The following GDF11 variants were observed in gnomAD, a reference collection of about 807,000 sequenced individuals.
GDF11 encodes growth/differentiation factor 11.
In GDF11, 12 loss-of-function variants were observed where a neutral mutation model predicts 34.4. The ratio of observed to expected loss-of-function variants is 0.35; its 90% CI spans 0.22 to 0.57. GDF11 has a LOEUF of 0.57. GDF11 is among the 20% of genes least tolerant of loss of function. The pLI is 0.86. For missense variants in GDF11, 346 were observed against 548.2 expected (o/e 0.63, Z 3.68); for synonymous variants, 212 against 231.1 (o/e 0.92, Z 0.75).
In GDF11 at chr12:55,743,448, G is replaced by C. The variant is rs532326811; in HGVS notation, c.132G>C (p.Gly44=). 23 of 1,254,494 alleles carry C rather than the reference G, an allele frequency of 1.8e-5. No homozygotes were observed. Among genetic ancestry groups the C allele is most frequent in the Middle Eastern group, 3.1e-4 (1 of 3,240 alleles). 77.7% of individuals were successfully genotyped at this position (1,254,494 alleles called of 1,614,324 possible). A position where few individuals can be genotyped will look rare whatever the true frequency, so the allele number is the denominator to read the frequency against. ...CGGCGGCGGCAGCGGCGGGGGTCGG[G>C]GGGGAGCGCTCCAGCCGGCCAGCCC... ...AAAAAAAAGV[G]GERSSRPAPS... The change falls in exon 1 of 3, where the codon GGG becomes GGC. Residue 44 remains glycine (G), a synonymous_variant. Coordinates refer to ENST00000257868, the MANE Select transcript of GDF11 (RefSeq NM_005811.5).
At position 55,750,001 on chromosome 12, in the gene GDF11, G is replaced by C. The variant is rs573917393; in HGVS notation, c.*119G>C. On this transcript the variant is annotated 3_prime_UTR_variant, in exon 3 of 3. Coordinates refer to ENST00000257868, the MANE Select transcript of GDF11 (RefSeq NM_005811.5). ...TCCCGCGAACATCACACCGTTCCCC[G>C]ACCAAGCCGTGTGCAATACAACAGA... The C allele has an allele frequency of 7.9e-6, 7 of 888,644 alleles. No individual in the cohort carries two copies. Among genetic ancestry groups the C allele is most frequent in the Non-Finnish European group, 6.9e-6 (4 of 582,246 alleles). 55.0% of individuals were successfully genotyped at this position (888,644 alleles called of 1,614,324 possible).
At position 55,749,853 on chromosome 12, in the gene GDF11, A is replaced by T; in HGVS notation, c.1195A>T (p.Met399Leu). ...QQIIYGKIPG[M>L]VVDRCGCS ...GATTATCTACGGCAAGATCCCTGGCATGGTGGTGGATCGCTGTGGCTGCTC... is the reference window on the plus strand; with the variant it reads ...GATTATCTACGGCAAGATCCCTGGCTTGGTGGTGGATCGCTGTGGCTGCTC... Residue 399 changes from methionine to leucine, a missense_variant, in exon 3 of 3, where the codon ATG becomes TTG. Met to Leu is a conservative substitution (Grantham distance 15, BLOSUM62 2). This residue lies in a region of GDF11 where 205 missense variants were observed against 311.3 expected (regional missense o/e 0.66). Coordinates refer to ENST00000257868, the MANE Select transcript of GDF11 (RefSeq NM_005811.5). This position sits in a 1 kb window ranked among gnomAD's most constrained non-coding sequence, Gnocchi z 5.6. 6.2e-7 allele frequency: 1 copy of T among 1,613,800 alleles called. No individual in the cohort carries two copies. Among genetic ancestry groups the T allele is most frequent in the Non-Finnish European group, 8.5e-7 (1 of 1,179,844 alleles).
At position 55,743,770 on chromosome 12, in the gene GDF11, G is replaced by A; in HGVS notation, c.445+9G>A. On this transcript the variant is annotated intron_variant, in intron 1 of 2. Coordinates refer to ENST00000257868, the MANE Select transcript of GDF11 (RefSeq NM_005811.5). ...TAGCATGGCCCAGGAGAGTAAGTGG[G>A]CTGCGGGGCGCGAGCAGTGGGGTGC... 5 of 1,522,280 alleles carry A rather than the reference G, an allele frequency of 3.3e-6. No homozygotes were observed. Among genetic ancestry groups the A allele is most frequent in the Non-Finnish European group, 4.4e-6 (5 of 1,134,520 alleles). The allele number at this position is 1,522,280 out of a possible 1,614,324, so 94.3% of individuals were successfully genotyped here.
rs1878462366 is a variant in GDF11, at chr12:55,755,051, A to C, written c.*5169A>C. 1 of 152,238 alleles carries C rather than the reference A, an allele frequency of 6.6e-6. No homozygotes were observed. Among genetic ancestry groups the C allele is most frequent in the Non-Finnish European group, 1.5e-5 (1 of 68,044 alleles). The allele number at this position is 152,238 out of a possible 1,614,324, so 9.4% of individuals were successfully genotyped here. A position where few individuals can be genotyped will look rare whatever the true frequency, so the allele number is the denominator to read the frequency against. ...TTAAATCCCTTTGGAAGGGAAAAAC[A>C]AGAAAAGTCTAGATATGGCAAGAGA... On this transcript the variant is annotated 3_prime_UTR_variant, in exon 3 of 3. Transcript: ENST00000257868.
intron 1 of GDF11, 84 bp downstream of exon 1, chr12:55,743,845 T>G (rs1378745182): frequency 9.0e-7 from 1 of 1,114,860 alleles, no homozygotes; most frequent in African/African-American, 1.6e-5. Flanking sequence ...GGGCGCTCCC[T>G]GCTGCCCCGG....
At position 55,749,491 on chromosome 12, in the gene GDF11, C is replaced by T; in HGVS notation, c.844-11C>T. On this transcript the variant is annotated splice_polypyrimidine_tract_variant and intron_variant, in intron 2 of 2. Transcript: ENST00000257868. This position sits in a 1 kb window ranked among gnomAD's most constrained non-coding sequence, Gnocchi z 5.6. ...CATATCACATTTCTTTCCCCTCTCC[C>T]TGACCCTCAGCATCCATTCATGGAG... 2 of 1,599,812 alleles carry T rather than the reference C, an allele frequency of 1.3e-6. No individual in the cohort carries two copies. Among genetic ancestry groups the T allele is most frequent in the Non-Finnish European group, 1.7e-6 (2 of 1,170,244 alleles).
chr12:55,745,665 G>T (rs1878166559), intron 1 of GDF11, among the ~76,000 whole-genome samples: 1 of 151,976 alleles, frequency 6.6e-6, no homozygotes, highest in African/African-American at 2.4e-5. Flanking sequence ...TTTAATAAGA[G>T]ACTTGTGCTC....
chr12:55,744,691 C>G (rs1485875878), intron 1 of GDF11, among the ~76,000 whole-genome samples: 2 of 151,252 alleles, frequency 1.3e-5, no homozygotes, highest in East Asian at 3.9e-4. Context: ...TTCTCCTCCC[C>G]CACTGAGGTC....
Position 55,748,798 on chromosome 12 carries a change from C to T in GDF11, c.658C>T (p.Arg220Cys). 6 of 1,614,178 alleles carry T rather than the reference C, an allele frequency of 3.7e-6. No homozygotes were observed. The highest frequency in any genetic ancestry group is 5.1e-6 in the Non-Finnish European group (6 of 1,180,048). The change falls in exon 2 of 3, where the codon CGT becomes TGT. Residue 220 changes from arginine (R) to cysteine (C), a missense_variant. Transcript: ENST00000257868. The surrounding 1 kb of genome is among the most constrained non-coding windows in gnomAD (Gnocchi z 5.6). ...AGGGGGCGGAGGCCGGCGTCACATC[C>T]GTATCCGCTCACTGAAGATTGAGCT... ...GGGGGGRRHI[R>C]IRSLKIELHS...
rs1239769869 is a variant in GDF11, at chr12:55,753,459, ACT to A, written c.*3579_*3580del. On this transcript the variant is annotated 3_prime_UTR_variant, in exon 3 of 3. Transcript: ENST00000257868. ...GGGAATGGCAAAAGAATATTGCCTG[ACT>A]CACATTTTTCAAAAATAAGGAAAGC... 1 of 152,116 alleles carries A rather than the reference ACT, an allele frequency of 6.6e-6. No individual in the cohort carries two copies. Among genetic ancestry groups the A allele is most frequent in the Non-Finnish European group, 1.5e-5 (1 of 68,026 alleles). The allele number at this position is 152,116 out of a possible 1,614,324, so 9.4% of individuals were successfully genotyped here.
In GDF11 at chr12:55,743,739, C is replaced by G; in HGVS notation, c.423C>G (p.Thr141=). 3 of 1,589,654 alleles carry G rather than the reference C, an allele frequency of 1.9e-6. No individual in the cohort carries two copies. The highest frequency in any genetic ancestry group is 2.6e-6 in the Non-Finnish European group (3 of 1,174,680). Residue 141 remains threonine (T), a synonymous_variant, in exon 1 of 3, where the codon ACC becomes ACG. Coordinates refer to ENST00000257868, the MANE Select transcript of GDF11 (RefSeq NM_005811.5). ...EEDEYHATTE[T]VISMAQETDP... ...ACGAGTACCACGCCACCACCGAGACCGTCATTAGCATGGCCCAGGAGAGTA... is the reference window on the plus strand; with the variant it reads ...ACGAGTACCACGCCACCACCGAGACGGTCATTAGCATGGCCCAGGAGAGTA...
In GDF11 at chr12:55,749,133, G is replaced by C. The variant is rs1281052831; in HGVS notation, c.843+150G>C. The C allele has an allele frequency of 5.0e-6, 4 of 796,720 alleles. No individual in the cohort carries two copies. Among genetic ancestry groups the C allele is most frequent in the Non-Finnish European group, 5.8e-6 (3 of 516,780 alleles). 49.4% of individuals were successfully genotyped at this position (796,720 alleles called of 1,614,324 possible). A position where few individuals can be genotyped will look rare whatever the true frequency, so the allele number is the denominator to read the frequency against. On this transcript the variant is annotated intron_variant, in intron 2 of 2. Coordinates refer to ENST00000257868, the MANE Select transcript of GDF11 (RefSeq NM_005811.5). This position sits in a 1 kb window ranked among gnomAD's most constrained non-coding sequence, Gnocchi z 5.6. ...CAGCTGATTCTAGAGGAGGAGGTGAGGAGTGGGGTGGCAACTATTACTTCT... is the reference window on the plus strand; with the variant it reads ...CAGCTGATTCTAGAGGAGGAGGTGACGAGTGGGGTGGCAACTATTACTTCT...
intron 1 of GDF11, among the ~76,000 whole-genome samples, chr12:55,744,615 G>A (rs1878140115): frequency 6.6e-6 from 1 of 151,998 alleles, no homozygotes; most frequent in African/African-American, 2.4e-5. Context: ...AAATTTTATG[G>A]CCTGGAAAAT....
Position 55,748,483 on chromosome 12 carries a change from TG to T in GDF11, c.446-101del. On this transcript the variant is annotated intron_variant, in intron 1 of 2. Transcript: ENST00000257868. The surrounding 1 kb of genome is among the most constrained non-coding windows in gnomAD (Gnocchi z 5.6). Reference sequence around the variant, plus strand: ...GCATGGGAGAAGGGTAAAGAAGAACTGGAAAATCAGGCTGAGAAGTCCAAAA... The same window carrying T: ...GCATGGGAGAAGGGTAAAGAAGAACTGAAAATCAGGCTGAGAAGTCCAAAA... The T allele has an allele frequency of 1.0e-6, 1 of 1,002,874 alleles. No individual in the cohort carries two copies. The highest frequency in any genetic ancestry group is 1.5e-6 in the Non-Finnish European group (1 of 676,662). 62.1% of individuals were successfully genotyped at this position (1,002,874 alleles called of 1,614,324 possible). A position where few individuals can be genotyped will look rare whatever the true frequency, so the allele number is the denominator to read the frequency against.
chr12:55,749,096 C>T lies in GDF11; in HGVS notation c.843+113C>T. 9.1e-7 allele frequency: 1 copy of T among 1,095,230 alleles called. No individual in the cohort carries two copies. The highest frequency in any genetic ancestry group is 1.6e-5 in the South Asian group (1 of 61,086). 67.8% of individuals were successfully genotyped at this position (1,095,230 alleles called of 1,614,324 possible). On this transcript the variant is annotated intron_variant, in intron 2 of 2. Coordinates refer to ENST00000257868, the MANE Select transcript of GDF11 (RefSeq NM_005811.5). This position sits in a 1 kb window ranked among gnomAD's most constrained non-coding sequence, Gnocchi z 5.6. ...AGGAGGTTGGGGACCAGCATTACTT[C>T]TCTGGGGTCAGCAGCTGATTCTAGA... is the stretch of plus-strand genomic sequence containing the variant.
Position 55,755,857 on chromosome 12 carries a change from G to A in GDF11, c.*5975G>A, listed in dbSNP as rs1333818545. The A allele has an allele frequency of 6.6e-6, 1 of 152,134 alleles. No individual in the cohort carries two copies. Among genetic ancestry groups the A allele is most frequent in the Admixed American group, 6.5e-5 (1 of 15,270 alleles). 9.4% of individuals were successfully genotyped at this position (152,134 alleles called of 1,614,324 possible). On this transcript the variant is annotated 3_prime_UTR_variant, in exon 3 of 3. Coordinates refer to ENST00000257868, the MANE Select transcript of GDF11 (RefSeq NM_005811.5). The stretch of plus-strand genomic sequence containing the variant: ...AAGATCTAGGGGAAGTAAGATGAGT[G>A]AGGAGAATAATTAGGCTTCAAGAAG...
rs1170518231 is a variant in GDF11, at chr12:55,748,831, C to T, written c.691C>T (p.Arg231Cys). 1.9e-6 allele frequency: 3 copies of T among 1,613,888 alleles called. No homozygotes were observed. Among genetic ancestry groups the T allele is most frequent in the Admixed American group, 1.7e-5 (1 of 59,998 alleles). The change falls in exon 2 of 3, where the codon CGC (arginine) becomes TGC (cysteine). Residue 231 changes from arginine (R) to cysteine (C), a missense_variant. Physicochemically the swap from Arg to Cys is radical, Grantham distance 180. Transcript: ENST00000257868. This position sits in a 1 kb window ranked among gnomAD's most constrained non-coding sequence, Gnocchi z 5.6. The stretch of plus-strand genomic sequence containing the variant: ...CTCACTGAAGATTGAGCTGCACTCA[C>T]GCTCAGGCCATTGGCAGAGCATCGA... The part of the protein sequence containing the change: ...IRSLKIELHS[R>C]SGHWQSIDFK...
At position 55,743,279 on chromosome 12, in the gene GDF11, G is replaced by A; in HGVS notation, c.-38G>A. 1 of 768,846 alleles carries A rather than the reference G, an allele frequency of 1.3e-6. No individual in the cohort carries two copies. Among genetic ancestry groups the A allele is most frequent in the Non-Finnish European group, 1.6e-6 (1 of 635,704 alleles). The allele number at this position is 768,846 out of a possible 1,614,324, so 47.6% of individuals were successfully genotyped here. Reference sequence around the variant, plus strand: ...CGCCCCCTCCCCGCGGGACTCCGGCGTCCCCGCCCCCCAGTCCTCCCTCCC... The same window carrying A: ...CGCCCCCTCCCCGCGGGACTCCGGCATCCCCGCCCCCCAGTCCTCCCTCCC... On this transcript the variant is annotated 5_prime_UTR_variant, in exon 1 of 3. Transcript: ENST00000257868.
intron 1 of GDF11, among the ~76,000 whole-genome samples, 167 bp downstream of exon 1, chr12:55,743,928 T>C (rs908924256): frequency 6.6e-6 from 1 of 152,012 alleles, no homozygotes; most frequent in South Asian, 2.1e-4. Flanking sequence ...TTCCGAGCGG[T>C]GGAGATGGGC....
Sources: allele counts gnomAD v4.1 joint callset (sites outside exome capture counted in the v4.1 genomes callset), GRCh38; gene constraint gnomAD v4.1.1; regional missense constraint gnomAD v4.1.1; non-coding constraint Gnocchi (gnomAD v3.1); transcripts MANE v1.5; gene names NCBI Gene and HGNC (gene_info 2026-07-23, HGNC 2026-07-21).